ANKRD44: variants seen among roughly 807,000 people sequenced by gnomAD.
The protein encoded by ANKRD44 is ankyrin repeat domain 44.
Under a neutral mutation model 116.0 loss-of-function variants are expected in ANKRD44, and 35 were observed. The ratio of observed to expected loss-of-function variants is 0.30; its 90% CI spans 0.23 to 0.40. The LOEUF (loss-of-function observed/expected upper bound fraction) is 0.40. Among genes scored for constraint, ANKRD44 ranks in the 10% least tolerant of loss-of-function variants. The pLI, the probability that ANKRD44 is intolerant of heterozygous loss-of-function variation, is 1.00. For missense variants in ANKRD44, 1,014 were observed against 1,242.6 expected, an observed-to-expected ratio of 0.82 and a Z score of 2.77; for synonymous variants, 435 against 461.8, an observed-to-expected ratio of 0.94 and a Z score of 0.74.
intron 1 of ANKRD44, among the ~76,000 whole-genome samples, chr2:197,271,127 C>A (rs1476748863): frequency 6.6e-6 from 1 of 152,130 alleles, no homozygotes; most frequent in East Asian, 1.9e-4. Flanking sequence ...TGCACTAGAT[C>A]CCACAAATTG....
intron 10 of ANKRD44, among the ~76,000 whole-genome samples, chr2:197,097,408 T>C (rs1319957561): frequency 6.6e-6 from 1 of 152,226 alleles, no homozygotes; most frequent in African/African-American, 2.4e-5. Flanking sequence ...TCTCTATCTT[T>C]GGGCATCTAC....
rs141118880 is a variant in ANKRD44 at position 197,235,706 on chromosome 2, C to T, written c.28-48600G>A. On this transcript the variant is annotated intron_variant, in intron 1 of 27. Coordinates refer to ENST00000282272, the MANE Select transcript of ANKRD44 (RefSeq NM_001195144.2). ...GGGGAGATATATAAATAATACAATA[C>T]AAATATTATACAATACAAATAATAC... is the stretch of plus-strand genomic sequence containing the variant. 4.7e-3 allele frequency among the ~76,000 whole-genome samples: 700 copies of T among 148,496 alleles called. 11 individuals are homozygous for T. Among genetic ancestry groups the T allele is most frequent in the Admixed American group, 8.9e-3 (133 of 14,888 alleles).
chr2:197,056,296 C>T (rs184322907), intron 16 of ANKRD44, among the ~76,000 whole-genome samples: 4 of 152,110 alleles, frequency 2.6e-5, no homozygotes, highest in Non-Finnish European at 4.4e-5. Flanking sequence ...AAAAAAAACC[C>T]TGCTGGGATT....
chr2:197,104,807 G>T (rs1280884483), intron 9 of ANKRD44, among the ~76,000 whole-genome samples: 2 of 152,202 alleles, frequency 1.3e-5, no homozygotes, highest in Non-Finnish European at 2.9e-5. Context: ...AAAGTGAAAT[G>T]ATTAACAAAA....
intron 26 of ANKRD44, among the ~76,000 whole-genome samples, chr2:196,994,167 T>C (rs950783428): frequency 5.3e-5 from 8 of 152,232 alleles, no homozygotes; most frequent in African/African-American, 1.7e-4. Context: ...TATATTGTGC[T>C]ATATACTGCT....
intron 2 of ANKRD44, among the ~76,000 whole-genome samples, chr2:197,178,841 A>G (rs1429261335): frequency 6.6e-6 from 1 of 152,218 alleles, no homozygotes; most frequent in Non-Finnish European, 1.5e-5. Context: ...TCAGCTTTAC[A>G]TATTTACATC....
At chr2:197,135,034 C>A (rs1199338177) in intron 4 of ANKRD44, 3 of 152,336 alleles carry the variant, frequency 2.0e-5, no homozygotes, top group African/African-American at 7.2e-5. Context: ...TTATTGACCT[C>A]TCTCATTCCA....
intron 16 of ANKRD44, among the ~76,000 whole-genome samples, chr2:197,065,742 T>A (rs1434700216): frequency 1.3e-5 from 2 of 152,072 alleles, no homozygotes; most frequent in Admixed American, 1.3e-4. Context: ...CTCCCAAGAC[T>A]AAACCAGGAA....
intron 17 of ANKRD44, among the ~76,000 whole-genome samples, chr2:197,020,852 G>A (rs1197637675): frequency 7.1e-6 from 1 of 140,408 alleles, no homozygotes; most frequent in Admixed American, 6.8e-5. Context: ...ACAATGTGCA[G>A]GTTTGTTACA....
intron 16 of ANKRD44, among the ~76,000 whole-genome samples, chr2:197,039,561 C>A (rs2076868444): frequency 2.0e-5 from 3 of 152,184 alleles, no homozygotes; most frequent in Non-Finnish European, 2.9e-5. Flanking sequence ...AGTCACCCTT[C>A]TATATTAGCA....
intron 1 of ANKRD44, among the ~76,000 whole-genome samples, chr2:197,302,967 T>C (rs1306033503): frequency 6.6e-6 from 1 of 152,224 alleles, no homozygotes; most frequent in Non-Finnish European, 1.5e-5. Flanking sequence ...GAGACAAGCA[T>C]GGCCTTTGTA....
At chr2:197,183,423 A>G (rs2080565901) in intron 2 of ANKRD44, among the ~76,000 whole-genome samples, 1 of 152,160 alleles carries the variant, frequency 6.6e-6, no homozygotes, top group Non-Finnish European at 1.5e-5. Flanking sequence ...ATACATGGTT[A>G]TCAGCCCCTT....
chr2:196,975,912 T>C (rs2075757376), intron 21 of ANKRD44, among the ~76,000 whole-genome samples: 1 of 151,682 alleles, frequency 6.6e-6, no homozygotes, highest in African/African-American at 2.4e-5. Context: ...CCCTTATGAA[T>C]ATAGTTACAA....
chr2:197,096,335 A>G (rs1212834489), intron 10 of ANKRD44, among the ~76,000 whole-genome samples: 3 of 152,224 alleles, frequency 2.0e-5, no homozygotes, highest in Non-Finnish European at 4.4e-5. Flanking sequence ...TTATTCATAA[A>G]CTATAATACC....
At chr2:197,258,916 G>C (rs1248741882) in intron 1 of ANKRD44, among the ~76,000 whole-genome samples, 1 of 152,200 alleles carries the variant, frequency 6.6e-6, no homozygotes, top group African/African-American at 2.4e-5. Context: ...CTGTAGGATA[G>C]AAATGTAATG....
At chr2:197,029,622 G>C in intron 16 of ANKRD44, 1 of 387,350 alleles carries the variant, frequency 2.6e-6, no homozygotes, top group Non-Finnish European at 5.0e-6. Context: ...TCACTCCAGG[G>C]ATGTTTCTGA....
At chr2:197,165,356 C>G (rs2080079722) in intron 2 of ANKRD44, among the ~76,000 whole-genome samples, 1 of 152,218 alleles carries the variant, frequency 6.6e-6, no homozygotes. Context: ...GGAGGTGTCA[C>G]CTGACAGAGG....
intron 1 of ANKRD44, among the ~76,000 whole-genome samples, chr2:197,256,510 C>G (rs2082450901): frequency 6.6e-6 from 1 of 152,142 alleles, no homozygotes; most frequent in African/African-American, 2.4e-5. Context: ...AACCAAAGTG[C>G]ATTTGTCTTT....
intron 1 of ANKRD44, among the ~76,000 whole-genome samples, chr2:197,276,640 G>A (rs1408697005): frequency 6.6e-6 from 1 of 151,856 alleles, no homozygotes; most frequent in Non-Finnish European, 1.5e-5. Context: ...TTTTCATGTT[G>A]TTTCTCCTTT....
Sources: allele counts gnomAD v4.1 joint callset (sites outside exome capture counted in the v4.1 genomes callset), GRCh38; gene constraint gnomAD v4.1.1; transcripts MANE v1.5; gene names NCBI Gene and HGNC (gene_info 2026-07-23, HGNC 2026-07-21).